Variants in SLC16A7 observed in about 807,000 individuals in gnomAD.
The protein encoded by SLC16A7 is solute carrier family 16 member 7.
SLC16A7 carries 33 observed loss-of-function variants against 34.9 expected under a neutral mutation model. That is an observed-to-expected ratio of 0.94 (90% confidence interval 0.72 to 1.26). The LOEUF (loss-of-function observed/expected upper bound fraction) is 1.26. Among genes scored for constraint, SLC16A7 ranks in the 50% most tolerant of loss-of-function variants. The probability of loss-of-function intolerance (pLI) is 0.00; values close to 1 mark genes in which losing one functional copy is unlikely to be tolerated. For missense variants in SLC16A7, 573 were observed against 578.1 expected (o/e 0.99, Z 0.09); for synonymous variants, 201 against 206.6 (o/e 0.97, Z 0.23).
At chr12:59,625,392 A>G (rs777025374) in intron 1 of SLC16A7, among the ~76,000 whole-genome samples, 3 of 151,856 alleles carry the variant, frequency 2.0e-5, no homozygotes, top group African/African-American at 4.8e-5. Flanking sequence ...CCTCAATTAT[A>G]GATGGTAACA....
rs1883775798 is a variant in SLC16A7, at chr12:59,788,521, T to A, written c.*8842T>A. On this transcript the variant is annotated 3_prime_UTR_variant, in exon 6 of 6. Transcript: ENST00000547379. ...GACACCTAAATGATCCAAACAGTTGTTTTTACATGACTTAAATCATGGCTG... is the reference window on the plus strand; with the variant it reads ...GACACCTAAATGATCCAAACAGTTGATTTTACATGACTTAAATCATGGCTG... 4 of 152,054 alleles carry A rather than the reference T, an allele frequency of 2.6e-5. No individual in the cohort carries two copies. The South Asian group carries it at 8.3e-4, about 31-fold the overall frequency. The allele number at this position is 152,054 out of a possible 1,614,324, so 9.4% of individuals were successfully genotyped here.
At chr12:59,636,045 TTTTG>T (rs1403827356) in intron 1 of SLC16A7, among the ~76,000 whole-genome samples, 1 of 151,902 alleles carries the variant, frequency 6.6e-6, no homozygotes, top group Non-Finnish European at 1.5e-5. Context: ...TGAATGTGAA[TTTTG>T]TTTTCCTTAC....
At position 59,785,143 on chromosome 12, in the gene SLC16A7, T is replaced by C. The variant is rs980295249; in HGVS notation, c.*5464T>C. ...CCCAATTATCAGTAATTATAATGCT[T>C]GCATGATCAAAATTACAAATTATCT... On this transcript the variant is annotated 3_prime_UTR_variant, in exon 6 of 6. Coordinates refer to ENST00000547379, the MANE Select transcript of SLC16A7 (RefSeq NM_001270623.2). 3 of 152,338 alleles carry C rather than the reference T, an allele frequency of 2.0e-5. No homozygotes were observed. In the East Asian group the frequency reaches 5.8e-4, roughly 29 times the overall value. 9.4% of individuals were successfully genotyped at this position (152,338 alleles called of 1,614,324 possible).
Position 59,644,915 on chromosome 12 carries a change from A to G in SLC16A7, c.-129-10237A>G, listed in dbSNP as rs778394247. On this transcript the variant is annotated intron_variant, in intron 1 of 5. Coordinates refer to ENST00000547379, the MANE Select transcript of SLC16A7 (RefSeq NM_001270623.2). ...TGGTTGAAATGATTTTCATGAAGTA[A>G]GTAAAAATGTATGTGAAAGATAGAA... Among the ~76,000 whole-genome samples the G allele has an allele frequency of 4.8e-4, 73 of 152,204 alleles. 1 individual carries two copies. Among genetic ancestry groups the G allele is most frequent in the Admixed American group, 2.0e-3 (30 of 15,268 alleles).
chr12:59,666,857 A>G (rs1486942851), intron 2 of SLC16A7, among the ~76,000 whole-genome samples: 1 of 152,204 alleles, frequency 6.6e-6, no homozygotes, highest in Non-Finnish European at 1.5e-5. Context: ...ATAACTGAAA[A>G]TATGGAAGTG....
At chr12:59,603,859 G>C (rs966094923) in intron 1 of SLC16A7, among the ~76,000 whole-genome samples, 1 of 152,102 alleles carries the variant, frequency 6.6e-6, no homozygotes, top group Admixed American at 6.5e-5. Context: ...TTATTTAAGT[G>C]TACACACTGA....
intron 1 of SLC16A7, among the ~76,000 whole-genome samples, chr12:59,611,638 C>T (rs60117369): frequency 0.055 from 8,311 of 152,200 alleles, 730 homozygotes; most frequent in African/African-American, 0.19. Flanking sequence ...TCCAAAGTTT[C>T]AACTGAGACA....
At chr12:59,710,303 T>C (rs1874075091) in intron 3 of SLC16A7, among the ~76,000 whole-genome samples, 1 of 152,162 alleles carries the variant, frequency 6.6e-6, no homozygotes, top group Admixed American at 6.5e-5. Context: ...AAAGAAGTTG[T>C]GAGTGGATAT....
intron 1 of SLC16A7, among the ~76,000 whole-genome samples, chr12:59,648,912 G>A (rs1377308189): frequency 6.6e-6 from 1 of 152,124 alleles, no homozygotes; most frequent in Non-Finnish European, 1.5e-5. Context: ...TATCAATATT[G>A]ATTTTGGTGG....
intron 2 of SLC16A7, among the ~76,000 whole-genome samples, chr12:59,662,022 A>AT (rs141282448): frequency 0.18 from 26,607 of 151,978 alleles, 3,107 homozygotes; most frequent in East Asian, 0.63. Flanking sequence ...ATAGAAAAAA[A>AT]ATTGTACCCA....
At chr12:59,744,290 C>T (rs1465578485) in intron 3 of SLC16A7, among the ~76,000 whole-genome samples, 1 of 152,130 alleles carries the variant, frequency 6.6e-6, no homozygotes, top group Non-Finnish European at 1.5e-5. Flanking sequence ...ACCCTAGGCT[C>T]TGCTGGCAGA....
chr12:59,635,478 A>C (rs918560732), intron 1 of SLC16A7, among the ~76,000 whole-genome samples: 1 of 152,098 alleles, frequency 6.6e-6, no homozygotes, highest in Non-Finnish European at 1.5e-5. Flanking sequence ...TTTGCCATTA[A>C]AGAATATTAA....
chr12:59,650,869 A>G (rs1280241463), intron 1 of SLC16A7, among the ~76,000 whole-genome samples: 1 of 152,162 alleles, frequency 6.6e-6, no homozygotes, highest in African/African-American at 2.4e-5. Context: ...ATATTTGTCT[A>G]TCTTAATTGT....
chr12:59,694,607 G>C (rs964670204), intron 2 of SLC16A7, among the ~76,000 whole-genome samples: 1 of 151,826 alleles, frequency 6.6e-6, no homozygotes, highest in Admixed American at 6.6e-5. Context: ...ATAATATGCT[G>C]TACAGTAGAT....
At chr12:59,741,714 A>C (rs921466428) in intron 3 of SLC16A7, among the ~76,000 whole-genome samples, 3 of 152,218 alleles carry the variant, frequency 2.0e-5, no homozygotes, top group African/African-American at 7.2e-5. Flanking sequence ...AGTTAAAAGC[A>C]AGAACTTTGT....
intron 5 of SLC16A7, 136 bp from the exon 6 acceptor site, chr12:59,779,287 A>AT (rs1043312585): frequency 2.6e-5 from 17 of 653,054 alleles, no homozygotes; most frequent in Middle Eastern, 8.5e-4. Context: ...CATAATCTAG[A>AT]TTTTTTTATT....
chr12:59,634,234 G>A (rs1191069861), intron 1 of SLC16A7, among the ~76,000 whole-genome samples: 2 of 152,010 alleles, frequency 1.3e-5, no homozygotes, highest in African/African-American at 4.8e-5. Flanking sequence ...CACACTGTGT[G>A]CATTATGAGC....
chr12:59,695,147 G>A (rs1486685563), intron 2 of SLC16A7, among the ~76,000 whole-genome samples: 1 of 151,866 alleles, frequency 6.6e-6, no homozygotes. Flanking sequence ...AATTATGAGT[G>A]TAATTAAGCA....
At chr12:59,670,502 C>A (rs1869589599) in intron 2 of SLC16A7, among the ~76,000 whole-genome samples, 1 of 152,104 alleles carries the variant, frequency 6.6e-6, no homozygotes, top group African/African-American at 2.4e-5. Context: ...ATTCCAACAT[C>A]AATTCTTAAG....
Sources: gnomAD v4.1 joint callset for allele counts (sites outside exome capture counted in the v4.1 genomes callset) on GRCh38, gnomAD v4.1.1 for gene constraint, MANE v1.5 for transcripts, NCBI Gene and HGNC (gene_info 2026-07-23, HGNC 2026-07-21) for gene names.